The following NAV2 variants were observed in gnomAD, a reference collection of about 807,000 sequenced individuals.
NAV2 encodes the protein neuron navigator 2, also known as helicase, APC down-regulated 1.
Under a neutral mutation model 223.2 loss-of-function variants are expected in NAV2, and 54 were observed. That is an observed-to-expected ratio of 0.24 (90% confidence interval 0.19 to 0.30). The LOEUF is 0.30. Among genes scored for constraint, NAV2 ranks in the 10% least tolerant of loss-of-function variants. The pLI is 1.00. For missense variants in NAV2, 2,806 were observed against 3,147.5 expected (o/e 0.89, Z 2.60); for synonymous variants, 1,279 against 1,239.3 (o/e 1.03, Z -0.67).
chr11:19,915,440 C>T (rs1432598439), intron 6 of NAV2, among the ~76,000 whole-genome samples: 1 of 152,164 alleles, frequency 6.6e-6, no homozygotes, highest in African/African-American at 2.4e-5. Flanking sequence ...GAGCTGGCCT[C>T]ATTTTTTTGC....
intron 1 of NAV2, among the ~76,000 whole-genome samples, chr11:19,631,085 CCTTT>C (rs2047331942): frequency 6.7e-6 from 1 of 149,972 alleles, no homozygotes; most frequent in Non-Finnish European, 1.5e-5. Flanking sequence ...TATCCATGGC[CCTTT>C]CTTTTTTTTT....
At chr11:20,074,651 CTCT>C (rs1423444156) in intron 22 of NAV2, among the ~76,000 whole-genome samples, 2 of 151,838 alleles carry the variant, frequency 1.3e-5, no homozygotes, top group African/African-American at 4.8e-5. Flanking sequence ...GGATAGTGAG[CTCT>C]TCTTGTTGCA....
At chr11:20,078,638 T>C (rs1036817004) in intron 24 of NAV2, among the ~76,000 whole-genome samples, 1 of 152,148 alleles carries the variant, frequency 6.6e-6, no homozygotes, top group Non-Finnish European at 1.5e-5. Context: ...TATGTATTCT[T>C]AGTAGAGACA....
intron 1 of NAV2, among the ~76,000 whole-genome samples, chr11:19,456,185 G>A (rs1851953695): frequency 6.6e-6 from 1 of 152,200 alleles, no homozygotes; most frequent in Non-Finnish European, 1.5e-5. Flanking sequence ...AATGGAAAGA[G>A]GAAAGTAAAA....
intron 1 of NAV2, among the ~76,000 whole-genome samples, chr11:19,614,396 TTCTC>T (rs749767706): frequency 2.8e-4 from 42 of 151,334 alleles, no homozygotes; most frequent in African/African-American, 9.2e-4. Context: ...CTTTCTCCCT[TTCTC>T]TCTCTCTCTC....
At chr11:19,776,298 G>A (rs2152632400) in intron 1 of NAV2, among the ~76,000 whole-genome samples, 1 of 152,210 alleles carries the variant, frequency 6.6e-6, no homozygotes, top group East Asian at 1.9e-4. Context: ...ATGAGAGGAT[G>A]CTGGACCTAG....
rs753741910 is a variant in NAV2, at chr11:19,933,873, C to A, written c.1629C>A (p.Ile543=). The A allele has an allele frequency of 1.2e-6, 2 of 1,601,786 alleles. No individual in the cohort carries two copies. The highest frequency in any genetic ancestry group is 3.5e-5 in the Admixed American group (2 of 57,076). The change falls in exon 7 of 38, where the codon ATC becomes ATA. Residue 543 remains isoleucine (I), a synonymous_variant. Transcript: ENST00000349880. This position sits in a 1 kb window ranked among gnomAD's most constrained non-coding sequence, Gnocchi z 4.3. Reference sequence around the variant, plus strand: ...AGTCCTCCAAGATTGCCAGCTTCATCCCCAAAGGGGGGAAGCTCAACAGTG... The same window carrying A: ...AGTCCTCCAAGATTGCCAGCTTCATACCCAAAGGGGGGAAGCTCAACAGTG... ...PKKSSKIASF[I]PKGGKLNSAK... is the part of the protein sequence containing the mutation.
chr11:20,044,761 C>T (rs1461776447), intron 13 of NAV2, among the ~76,000 whole-genome samples: 1 of 152,200 alleles, frequency 6.6e-6, no homozygotes, highest in African/African-American at 2.4e-5. Context: ...TAAATTTAGA[C>T]TGCTTTGCAA....
At chr11:19,503,122 AT>A (rs1298597907) in intron 1 of NAV2, 6 of 152,234 alleles carry the variant, frequency 3.9e-5, no homozygotes, top group African/African-American at 1.4e-4. Flanking sequence ...GAGTTATATA[AT>A]GCCTTTTTGA....
intron 10 of NAV2, among the ~76,000 whole-genome samples, chr11:19,951,431 T>TTAC (rs10681671): frequency 0.58 from 87,897 of 151,712 alleles, 26,757 homozygotes; most frequent in East Asian, 0.73. Context: ...CATACACCTA[T>TTAC]TACAACTGAA....
At chr11:19,716,535 G>A (rs867936133) in intron 1 of NAV2, among the ~76,000 whole-genome samples, 2 of 152,182 alleles carry the variant, frequency 1.3e-5, no homozygotes, top group African/African-American at 4.8e-5. Context: ...CCGTAAATGA[G>A]AAAAGATATG....
At chr11:20,107,491 C>T (rs1437923254) in intron 35 of NAV2, 173 bp from the exon 36 acceptor site, 38 of 634,706 alleles carry the variant, frequency 6.0e-5, no homozygotes, top group Non-Finnish European at 1.0e-4. Flanking sequence ...ATCAGAGTGT[C>T]CTTCTCTGTG....
intron 28 of NAV2, 101 bp from the exon 29 acceptor site, chr11:20,092,993 CTGACA>C: frequency 1.2e-5 from 6 of 506,036 alleles, no homozygotes; most frequent in Non-Finnish European, 2.3e-5. Flanking sequence ...CCCCTGCACC[CTGACA>C]CCTGTTTGTC....
At chr11:19,778,101 ACCGCCTATCAGTC>A in intron 1 of NAV2, 1 of 404,082 alleles carries the variant, frequency 2.5e-6, no homozygotes, top group South Asian at 1.8e-5. Context: ...TTCAAAAATA[ACCGCCTATCAGTC>A]CCGGGAGAGC....
At chr11:19,586,197 G>T (rs538260511) in intron 1 of NAV2, among the ~76,000 whole-genome samples, 1 of 151,968 alleles carries the variant, frequency 6.6e-6, no homozygotes, top group Non-Finnish European at 1.5e-5. Context: ...TGCATTCGTC[G>T]CATAGTTCTT....
At chr11:20,068,294 G>C in intron 21 of NAV2, 30 bp from the exon 22 acceptor site, 4 of 1,612,078 alleles carry the variant, frequency 2.5e-6, no homozygotes, top group Non-Finnish European at 3.4e-6. Flanking sequence ...GACCCCCAAA[G>C]CATGTAACCC....
chr11:19,399,533 C>T (rs1379021675), intron 1 of NAV2, among the ~76,000 whole-genome samples: 2 of 152,216 alleles, frequency 1.3e-5, no homozygotes. Context: ...GGATCCTGCC[C>T]TCAGAGCCCA....
intron 1 of NAV2, among the ~76,000 whole-genome samples, chr11:19,527,213 A>C: frequency 6.6e-6 from 1 of 152,126 alleles, no homozygotes; most frequent in East Asian, 1.9e-4. Flanking sequence ...GTAATGAATA[A>C]GTCTCACGAG....
chr11:19,939,594 C>A, intron 7 of NAV2, 67 bp from the exon 8 acceptor site: 1 of 1,281,284 alleles, frequency 7.8e-7, no homozygotes, highest in African/African-American at 1.5e-5. Context: ...TGTGGTTAGA[C>A]CACAGTGGTC....
Sources: gnomAD v4.1 joint callset for allele counts (sites outside exome capture counted in the v4.1 genomes callset) on GRCh38, gnomAD v4.1.1 for gene constraint, Gnocchi (gnomAD v3.1) non-coding constraint, MANE v1.5 for transcripts, NCBI Gene and HGNC (gene_info 2026-07-23, HGNC 2026-07-21) for gene names.